Variants in ATP11A observed in about 807,000 individuals in gnomAD.
The protein encoded by ATP11A is ATPase phospholipid transporting 11A, also known as phospholipid-transporting ATPase IH.
Under a neutral mutation model 154.4 loss-of-function variants are expected in ATP11A, and 81 were observed. The ratio of observed to expected loss-of-function variants is 0.52; its 90% confidence interval spans 0.44 to 0.63. ATP11A has a LOEUF of 0.63. Ranked by LOEUF, ATP11A falls within the 30% of genes least tolerant of loss-of-function variation. ATP11A has a pLI of 0.00. For synonymous variants in ATP11A, 623 were observed against 585.9 expected (o/e 1.06, Z -0.91); for missense variants, 1,316 against 1,474.3 (o/e 0.89, Z 1.76).
At chr13:112,851,971 A>T (rs1006682609) in intron 18 of ATP11A, 10 of 152,264 alleles carry the variant, frequency 6.6e-5, no homozygotes, top group Non-Finnish European at 5.9e-5. Context: ...AGAAAATTAC[A>T]AAAACTAATA....
At position 112,690,473 on chromosome 13, in the gene ATP11A, G is replaced by T; in HGVS notation, c.39+18G>T. 2 of 1,339,568 alleles carry T rather than the reference G, an allele frequency of 1.5e-6. No individual in the cohort carries two copies. Among genetic ancestry groups the T allele is most frequent in the East Asian group, 2.9e-5 (1 of 34,748 alleles). The allele number at this position is 1,339,568 out of a possible 1,614,324, so 83.0% of individuals were successfully genotyped here. On this transcript the variant is annotated intron_variant, in intron 1 of 29. Coordinates refer to ENST00000375645, the MANE Select transcript of ATP11A (RefSeq NM_015205.3). This position sits in a 1 kb window ranked among gnomAD's most constrained non-coding sequence, Gnocchi z 5.6. ...ACAGATACGTGAGTGCTCCCGGCGC[G>T]GGCTGGGGGACCCGGGGACCAGACA...
chr13:112,693,584 T>C (rs1885447107), intron 1 of ATP11A, among the ~76,000 whole-genome samples: 1 of 151,942 alleles, frequency 6.6e-6, no homozygotes, highest in African/African-American at 2.4e-5. Context: ...GTGTATGTGC[T>C]ATGGGGTAGC....
chr13:112,839,616 C>T (rs1024099704), intron 16 of ATP11A, among the ~76,000 whole-genome samples: 10 of 152,184 alleles, frequency 6.6e-5, no homozygotes, highest in Admixed American at 5.9e-4. Context: ...GGACAGGATC[C>T]TGTGTGTTCG....
At chr13:112,845,016 G>A (rs1471477924) in intron 17 of ATP11A, among the ~76,000 whole-genome samples, 1 of 151,784 alleles carries the variant, frequency 6.6e-6, no homozygotes, top group Non-Finnish European at 1.5e-5. Context: ...CCAGCCGCTA[G>A]CAGTACTAGT....
At chr13:112,792,524 G>C (rs1451614483) in intron 2 of ATP11A, among the ~76,000 whole-genome samples, 1 of 152,212 alleles carries the variant, frequency 6.6e-6, no homozygotes, top group Non-Finnish European at 1.5e-5. Context: ...GAAATCAAAG[G>C]ATGAAAGCCT....
chr13:112,856,620 A>G (rs1018538685), intron 20 of ATP11A: 1 of 152,266 alleles, frequency 6.6e-6, no homozygotes, highest in Non-Finnish European at 1.5e-5. Flanking sequence ...TCTTGTGGGA[A>G]ACGCACACCT....
chr13:112,815,670 C>T lies in ATP11A; in HGVS notation c.442-413C>T, dbSNP rs544759189. ...TGTTGCCACTTTTGCTTTATTTGTC[C>T]TCATGCTTTGATGATCTGGGCAGCG... On this transcript the variant is annotated intron_variant, in intron 5 of 29. Transcript: ENST00000375645. Among the ~76,000 whole-genome samples the T allele has an allele frequency of 4.6e-5, 7 of 152,298 alleles. No homozygotes were observed. The South Asian group carries it at 1.2e-3, about 27-fold the overall frequency.
At chr13:112,756,181 A>T (rs1278918927) in intron 1 of ATP11A, among the ~76,000 whole-genome samples, 2 of 152,278 alleles carry the variant, frequency 1.3e-5, no homozygotes, top group Non-Finnish European at 2.9e-5. Flanking sequence ...CTACAAAGCC[A>T]AAACCAAAAT....
rs2078320528 is a variant in ATP11A at position 112,806,283 on chromosome 13, C to A, written c.323C>A (p.Ala108Asp). Residue 108 changes from alanine (A) to aspartate (D), a missense_variant, in exon 4 of 30, where the codon GCT becomes GAT. By Grantham distance (126) the Ala-to-Asp change is moderately radical. Transcript: ENST00000375645. Reference sequence around the variant, plus strand: ...CTCTTCTTTGTCATTACTGTGACGGCTATCAAACAGGTAAGCATTTTACAG... The same window carrying A: ...CTCTTCTTTGTCATTACTGTGACGGATATCAAACAGGTAAGCATTTTACAG... Reference protein sequence around the residue: ...LPLFFVITVTAIKQGYEDWLR... With the variant: ...LPLFFVITVTDIKQGYEDWLR... 1 of 1,612,392 alleles carries A rather than the reference C, an allele frequency of 6.2e-7. No individual in the cohort carries two copies. Among genetic ancestry groups the A allele is most frequent in the Admixed American group, 1.7e-5 (1 of 59,762 alleles).
At chr13:112,749,061 C>A (rs1457566873) in intron 1 of ATP11A, among the ~76,000 whole-genome samples, 1 of 152,226 alleles carries the variant, frequency 6.6e-6, no homozygotes, top group Non-Finnish European at 1.5e-5. Context: ...CTACAGAGCC[C>A]AGCTCTGCTG....
At chr13:112,834,936 A>T (rs282612) in intron 15 of ATP11A, among the ~76,000 whole-genome samples, 55,311 of 152,036 alleles carry the variant, frequency 0.36, 11,219 homozygotes, top group African/African-American at 0.55. Flanking sequence ...TCACTGTCAA[A>T]TATGTTTTGG....
chr13:112,846,341 T>A (rs913338150), intron 17 of ATP11A, among the ~76,000 whole-genome samples: 3 of 152,192 alleles, frequency 2.0e-5, no homozygotes, highest in African/African-American at 7.2e-5. Context: ...GTTTTCCACG[T>A]TTCTTTAGAG....
At chr13:112,768,180 G>T (rs1331900616) in intron 1 of ATP11A, among the ~76,000 whole-genome samples, 3 of 152,250 alleles carry the variant, frequency 2.0e-5, no homozygotes, top group Non-Finnish European at 4.4e-5. Flanking sequence ...ATTGCGTGGA[G>T]CCCGGCCACT....
At chr13:112,852,794 AT>A (rs2079808770) in intron 18 of ATP11A, among the ~76,000 whole-genome samples, 2 of 138,814 alleles carry the variant, frequency 1.4e-5, no homozygotes, top group African/African-American at 2.8e-5. Context: ...GCGGGGGGGG[AT>A]CTCAGTGGCT....
At chr13:112,848,634 C>T (rs1263455261) in intron 17 of ATP11A, among the ~76,000 whole-genome samples, 1 of 152,204 alleles carries the variant, frequency 6.6e-6, no homozygotes, top group Non-Finnish European at 1.5e-5. Flanking sequence ...TGTTCCTGAT[C>T]CTACGGAAAA....
Position 112,854,456 on chromosome 13 carries a change from G to A in ATP11A, c.2169G>A (p.Leu723=). The A allele has an allele frequency of 2.5e-6, 4 of 1,612,868 alleles. No homozygotes were observed. The South Asian group carries it at 4.4e-5, about 18-fold the overall frequency. Reference sequence around the variant, plus strand: ...CCAAGAGGATCGAGGAGCAGAGCCTGCACGACGTCCTGTTCGAGCTGAGCA... The same window carrying A: ...CCAAGAGGATCGAGGAGCAGAGCCTACACGACGTCCTGTTCGAGCTGAGCA... The part of the protein sequence containing the change: ...LTTKRIEEQS[L]HDVLFELSKT... Residue 723 remains leucine (L), a synonymous_variant, in exon 19 of 30, where the codon CTG becomes CTA. Coordinates refer to ENST00000375645, the MANE Select transcript of ATP11A (RefSeq NM_015205.3).
At chr13:112,830,311 A>C (rs1379256577) in intron 12 of ATP11A, among the ~76,000 whole-genome samples, 2 of 152,208 alleles carry the variant, frequency 1.3e-5, no homozygotes, top group African/African-American at 4.8e-5. Context: ...ACAGTGGCTC[A>C]TGCCTGTAAT....
chr13:112,849,161 C>G (rs1247211653), intron 17 of ATP11A, among the ~76,000 whole-genome samples: 2 of 152,168 alleles, frequency 1.3e-5, no homozygotes, highest in Non-Finnish European at 2.9e-5. Flanking sequence ...CATATGTTGA[C>G]TCACTTTTGC....
At chr13:112,760,944 T>C (rs388550) in intron 1 of ATP11A, among the ~76,000 whole-genome samples, 92,760 of 152,036 alleles carry the variant, frequency 0.61, 29,014 homozygotes, top group African/African-American at 0.74. Context: ...TTCAGTTACT[T>C]GAGATAACCG....
Sources: allele counts gnomAD v4.1 joint callset (sites outside exome capture counted in the v4.1 genomes callset), GRCh38; gene constraint gnomAD v4.1.1; non-coding constraint Gnocchi (gnomAD v3.1); transcripts MANE v1.5; gene names NCBI Gene and HGNC (gene_info 2026-07-23, HGNC 2026-07-21).